ARHGEF12: variants seen among roughly 807,000 people sequenced by gnomAD.
ARHGEF12 encodes the protein KMT2A/ARHGEF12 fusion protein.
In ARHGEF12, 66 loss-of-function variants were observed where a neutral mutation model predicts 211.2. The ratio of observed to expected loss-of-function variants is 0.31; its 90% confidence interval spans 0.26 to 0.38. The LOEUF (loss-of-function observed/expected upper bound fraction) is 0.38, where lower values mean the gene tolerates loss of function less well. Ranked by LOEUF, ARHGEF12 falls within the 10% of genes least tolerant of loss-of-function variation. The probability of loss-of-function intolerance (pLI) is 1.00; values close to 1 mark genes in which losing one functional copy is unlikely to be tolerated. For synonymous variants in ARHGEF12, 592 were observed against 638.4 expected (o/e 0.93, Z 1.09); for missense variants, 1,429 against 1,869.5 (o/e 0.76, Z 4.34).
At chr11:120,446,181 G>C (rs1946040736) in intron 16 of ARHGEF12, among the ~76,000 whole-genome samples, 1 of 146,160 alleles carries the variant, frequency 6.8e-6, no homozygotes, top group African/African-American at 2.5e-5. Context: ...CTGGGCAACA[G>C]AGCAAGACTC....
At chr11:120,434,463 A>G (rs1024543035) in intron 11 of ARHGEF12, among the ~76,000 whole-genome samples, 1 of 152,218 alleles carries the variant, frequency 6.6e-6, no homozygotes, top group Non-Finnish European at 1.5e-5. Flanking sequence ...GTCTGAGGCT[A>G]AAGATGTGTT....
Position 120,485,956 on chromosome 11 carries a change from T to C in ARHGEF12, c.*879T>C, listed in dbSNP as rs559932175. 9 of 233,608 alleles carry C rather than the reference T, an allele frequency of 3.9e-5. No individual in the cohort carries two copies. The East Asian group carries it at 5.4e-4, about 14-fold the overall frequency. 14.5% of individuals were successfully genotyped at this position (233,608 alleles called of 1,614,324 possible). On this transcript the variant is annotated 3_prime_UTR_variant, in exon 41 of 41. Coordinates refer to ENST00000397843, the MANE Select transcript of ARHGEF12 (RefSeq NM_015313.3). Reference sequence around the variant, plus strand: ...TTGACTATAAATTTGTTATTCTTGGTATCATTTCATTTTTATAATTATACA... The same window carrying C: ...TTGACTATAAATTTGTTATTCTTGGCATCATTTCATTTTTATAATTATACA...
rs1282129315 is a variant in ARHGEF12, at chr11:120,431,873, A to G, written c.886A>G (p.Ser296Gly). 3.1e-6 allele frequency: 5 copies of G among 1,612,872 alleles called. No individual in the cohort carries two copies. In the African/African-American group the frequency reaches 4.0e-5, roughly 13 times the overall value. ...TGTACTGGGCAGGACTGACTGTAGC[A>G]GTGGAGATGCTTCTCGGCCCAGTAG... is the stretch of plus-strand genomic sequence containing the variant. Reference protein sequence around the residue: ...GDVLGRTDCSSGDASRPSSDN... With the variant: ...GDVLGRTDCSGGDASRPSSDN... Residue 296 changes from serine (S) to glycine (G), a missense_variant, in exon 11 of 41, where the codon AGT (serine) becomes GGT (glycine). Transcript: ENST00000397843.
At chr11:120,414,972 A>G (rs1327218428) in intron 4 of ARHGEF12, among the ~76,000 whole-genome samples, 2 of 152,214 alleles carry the variant, frequency 1.3e-5, no homozygotes, top group African/African-American at 2.4e-5. Flanking sequence ...GCCTGTGTCT[A>G]TGCAAAGTGC....
chr11:120,465,342 C>A lies in ARHGEF12; in HGVS notation c.2719C>A (p.Arg907=). 1 of 1,613,896 alleles carries A rather than the reference C, an allele frequency of 6.2e-7. No individual in the cohort carries two copies. The highest frequency in any genetic ancestry group is 8.5e-7 in the Non-Finnish European group (1 of 1,179,978). The change falls in exon 28 of 41, where the codon CGA becomes AGA. Residue 907 remains arginine (R), a synonymous_variant. Coordinates refer to ENST00000397843, the MANE Select transcript of ARHGEF12 (RefSeq NM_015313.3). ...CAAATCTCGTCAGAAAAAGGATTCT[C>A]GATTTCAGACTTTTGTGCAAGTGAG... The part of the protein sequence containing the change: ...MIKSRQKKDS[R]FQTFVQDAES...
chr11:120,382,034 T>A (rs963340961), intron 1 of ARHGEF12, among the ~76,000 whole-genome samples: 1 of 152,236 alleles, frequency 6.6e-6, no homozygotes, highest in African/African-American at 2.4e-5. Flanking sequence ...TTTTAAAAAT[T>A]GTTGTACTAT....
At chr11:120,401,635 G>T (rs1452564257) in intron 1 of ARHGEF12, among the ~76,000 whole-genome samples, 1 of 152,144 alleles carries the variant, frequency 6.6e-6, no homozygotes, top group Non-Finnish European at 1.5e-5. Context: ...TTGCTAGTAA[G>T]TGGCAGGTAT....
chr11:120,390,648 A>G (rs1280271159), intron 1 of ARHGEF12, among the ~76,000 whole-genome samples: 2 of 152,168 alleles, frequency 1.3e-5, no homozygotes, highest in Non-Finnish European at 2.9e-5. Context: ...GTATCTTGTC[A>G]TTATACTAGA....
Position 120,489,366 on chromosome 11 carries a change from T to C in ARHGEF12, c.*4289T>C, listed in dbSNP as rs536760158. 47 of 224,734 alleles carry C rather than the reference T, an allele frequency of 2.1e-4. No homozygotes were observed. Among genetic ancestry groups the C allele is most frequent in the African/African-American group, 9.8e-4 (44 of 45,018 alleles). The allele number at this position is 224,734 out of a possible 1,614,324, so 13.9% of individuals were successfully genotyped here. On this transcript the variant is annotated 3_prime_UTR_variant, in exon 41 of 41. Transcript: ENST00000397843. ...GTGGTGAAATATATATATAACAAAA[T>C]TTGCTATTGTAACTATTTTTAAGTA...
At chr11:120,475,119 CTTG>C (rs1156832724) in intron 32 of ARHGEF12, among the ~76,000 whole-genome samples, 2 of 152,170 alleles carry the variant, frequency 1.3e-5, no homozygotes, top group South Asian at 2.1e-4. Flanking sequence ...CCACACCCAG[CTTG>C]TTGTTTTTTA....
chr11:120,378,201 T>C (rs1943785379), intron 1 of ARHGEF12, among the ~76,000 whole-genome samples: 1 of 152,250 alleles, frequency 6.6e-6, no homozygotes. Context: ...CTTTTTAATT[T>C]TAGTCATTGT....
rs1257581232 is a variant in ARHGEF12 at position 120,390,777 on chromosome 11, G to A, written c.33-15341G>A. On this transcript the variant is annotated intron_variant, in intron 1 of 40. Transcript: ENST00000397843. ...TGGTAGTCCAGGGGTTGAAAGCAAG[G>A]GTTCTAGTTAGACTGTGAGGTTTTG... 3.3e-5 allele frequency among the ~76,000 whole-genome samples: 5 copies of A among 152,132 alleles called. No homozygotes were observed. In the East Asian group the frequency reaches 9.6e-4, roughly 29 times the overall value.
chr11:120,372,815 A>G (rs1216031414), intron 1 of ARHGEF12, among the ~76,000 whole-genome samples: 4 of 152,076 alleles, frequency 2.6e-5, no homozygotes, highest in Non-Finnish European at 5.9e-5. Flanking sequence ...TATCCCCAAT[A>G]TCTCTTATCA....
chr11:120,351,440 TATATATATATA>T (rs1942956359), intron 1 of ARHGEF12, among the ~76,000 whole-genome samples: 2 of 4,640 alleles, frequency 4.3e-4, no homozygotes, highest in African/African-American at 3.3e-3. Flanking sequence ...TATATATATA[TATATATATATA>T]TATATTTTTT....
At chr11:120,423,918 A>C (rs1945270584) in intron 6 of ARHGEF12, among the ~76,000 whole-genome samples, 1 of 152,202 alleles carries the variant, frequency 6.6e-6, no homozygotes, top group Non-Finnish European at 1.5e-5. Context: ...TTCTTTGTGA[A>C]GATTAGATCA....
intron 25 of ARHGEF12, chr11:120,458,556 G>C (rs1946430806): frequency 3.6e-6 from 1 of 276,682 alleles, no homozygotes; most frequent in African/African-American, 2.3e-5. Context: ...GTAAAGCCCA[G>C]GGAGATTGAA....
intron 8 of ARHGEF12, among the ~76,000 whole-genome samples, chr11:120,428,451 A>T (rs112377026): frequency 6.6e-6 from 1 of 152,246 alleles, no homozygotes; most frequent in South Asian, 2.1e-4. Context: ...GACACCTGCC[A>T]TATGTAAAAC....
At chr11:120,403,082 G>A (rs1296581756) in intron 1 of ARHGEF12, among the ~76,000 whole-genome samples, 1 of 152,156 alleles carries the variant, frequency 6.6e-6, no homozygotes, top group Non-Finnish European at 1.5e-5. Context: ...GGGCCACCTA[G>A]GGCTTTAAAA....
chr11:120,484,258 AG>A, intron 39 of ARHGEF12, among the ~76,000 whole-genome samples, 179 bp from the exon 40 acceptor site: 1 of 152,330 alleles, frequency 6.6e-6, no homozygotes, highest in East Asian at 1.9e-4. Flanking sequence ...AATTGGTAAA[AG>A]GAATGAAATT....
Sources: gnomAD v4.1 joint callset for allele counts (sites outside exome capture counted in the v4.1 genomes callset) on GRCh38, gnomAD v4.1.1 for gene constraint, MANE v1.5 for transcripts, NCBI Gene and HGNC (gene_info 2026-07-23, HGNC 2026-07-21) for gene names.